TDRD12: variants seen among roughly 807,000 people sequenced by gnomAD.
TDRD12 encodes the protein tudor domain containing 12.
Under a neutral mutation model 133.5 loss-of-function variants are expected in TDRD12, and 158 were observed. That is an observed-to-expected ratio of 1.18 (90% CI 1.04 to 1.35). The LOEUF is 1.35. Among genes scored for constraint, TDRD12 ranks in the 40% most tolerant of loss-of-function variants. TDRD12 has a pLI of 0.00. For synonymous variants in TDRD12, 460 were observed against 477.9 expected (o/e 0.96, Z 0.49); for missense variants, 1,443 against 1,321.3 (o/e 1.09, Z -1.43).
intron 8 of TDRD12, among the ~76,000 whole-genome samples, chr19:32,760,671 T>C (rs1970124779): frequency 6.6e-6 from 1 of 152,216 alleles, no homozygotes; most frequent in Admixed American, 6.5e-5. Context: ...GACATTGTCT[T>C]GATTTCTAGG....
intron 9 of TDRD12, 62 bp downstream of exon 32, chr19:32,826,811 A>C: frequency 1.9e-6 from 2 of 1,038,612 alleles, no homozygotes; most frequent in Non-Finnish European, 2.5e-6. Flanking sequence ...GAGGGACACC[A>C]TCACCCACTT....
chr19:32,728,816 T>C (rs1344039856), intron 1 of TDRD12, among the ~76,000 whole-genome samples: 1 of 149,860 alleles, frequency 6.7e-6, no homozygotes, highest in African/African-American at 2.5e-5. Flanking sequence ...TGGCTATTTT[T>C]TTTTTTTTTT....
intron 2 of TDRD12, among the ~76,000 whole-genome samples, chr19:32,737,567 T>C (rs1568449279): frequency 6.6e-6 from 1 of 152,036 alleles, no homozygotes; most frequent in Non-Finnish European, 1.5e-5. Flanking sequence ...TCTCACTGTG[T>C]CACCCAGGCT....
intron 8 of TDRD12, among the ~76,000 whole-genome samples, chr19:32,769,599 G>A (rs537474981): frequency 5.3e-4 from 80 of 152,016 alleles, no homozygotes; most frequent in African/African-American, 1.8e-3. Flanking sequence ...TATTATGAGT[G>A]CCACTTATGA....
chr19:32,724,034 AT>A (rs1568441838), intron 1 of TDRD12, among the ~76,000 whole-genome samples: 1 of 151,458 alleles, frequency 6.6e-6, no homozygotes, highest in East Asian at 1.9e-4. Flanking sequence ...ATTAAAAAAA[AT>A]TTTTTTAGAG....
chr19:32,767,939 C>G (rs1195978363), intron 8 of TDRD12, among the ~76,000 whole-genome samples: 1 of 152,126 alleles, frequency 6.6e-6, no homozygotes, highest in Non-Finnish European at 1.5e-5. Flanking sequence ...ATGATTTTTC[C>G]ATTTTTAAAT....
chr19:32,826,436 T>C lies in TDRD12; in HGVS notation c.896-9T>C. The C allele has an allele frequency of 1.6e-6, 2 of 1,248,736 alleles. No homozygotes were observed. The allele number at this position is 1,248,736 out of a possible 1,614,324, so 77.4% of individuals were successfully genotyped here. ...AAAAGGCTGACTTTATTTCTTTTTA[T>C]AAACCCAGTGCTTGGGTGGGAGACA... is the stretch of plus-strand genomic sequence containing the variant. On this transcript the variant is annotated splice_polypyrimidine_tract_variant and intron_variant, in intron 8 of 9. Transcript: ENST00000637289.
intron 14 of TDRD12, 146 bp from the exon 15 acceptor site, chr19:32,797,589 T>C: frequency 2.0e-6 from 1 of 503,604 alleles, no homozygotes. Flanking sequence ...AATGAAATTA[T>C]ATCGTCACTT....
chr19:32,813,831 A>G, intron 25 of TDRD12, 55 bp downstream of exon 25: 1 of 1,035,708 alleles, frequency 9.7e-7, no homozygotes, highest in African/African-American at 1.6e-5. Flanking sequence ...GGCTAAAATT[A>G]TCCAGATTAT....
exon 20 of TDRD12, chr19:32,802,660 C>T (rs770905808): frequency 1.3e-5 from 20 of 1,536,048 alleles, no homozygotes; most frequent in Non-Finnish European, 1.7e-5. Flanking sequence ...CTGCAGCCCT[C>T]ACAGACGACT....
rs1005898971 is a variant in TDRD12 at position 32,803,148 on chromosome 19, C to T, written c.2552+6C>T. On this transcript the variant is annotated splice_donor_region_variant and intron_variant, in intron 21 of 27. Coordinates refer to ENST00000444215, the Ensembl canonical transcript of TDRD12. ...AAGGCTTTTGGTTTTTGCAAGTGAGCCAGTAATTTGTTTCTTATTAAACTG... is the reference window on the plus strand; with the variant it reads ...AAGGCTTTTGGTTTTTGCAAGTGAGTCAGTAATTTGTTTCTTATTAAACTG... The T allele has an allele frequency of 1.1e-5, 17 of 1,505,312 alleles. No homozygotes were observed. The highest frequency in any genetic ancestry group is 9.8e-5 in the East Asian group (4 of 40,760). 93.2% of individuals were successfully genotyped at this position (1,505,312 alleles called of 1,614,324 possible). A position where few individuals can be genotyped will look rare whatever the true frequency, so the allele number is the denominator to read the frequency against.
chr19:32,754,818 T>C (rs1018296087), intron 6 of TDRD12, among the ~76,000 whole-genome samples: 3 of 152,002 alleles, frequency 2.0e-5, no homozygotes, highest in Admixed American at 1.3e-4. Flanking sequence ...GCTGGGATTA[T>C]AGGCATGCGC....
chr19:32,796,299 G>A (rs1971223323), intron 14 of TDRD12: 2 of 611,864 alleles, frequency 3.3e-6, no homozygotes, highest in Admixed American at 6.3e-5. Flanking sequence ...TTAGAAAGTT[G>A]CATCTGTTGG....
At chr19:32,804,735 G>C (rs1029216630) in intron 21 of TDRD12, among the ~76,000 whole-genome samples, 1 of 150,838 alleles carries the variant, frequency 6.6e-6, no homozygotes, top group South Asian at 2.1e-4. Context: ...GCACACACCT[G>C]TAATCAGTTA....
intron 10 of TDRD12, among the ~76,000 whole-genome samples, chr19:32,775,044 G>A (rs887905363): frequency 6.6e-6 from 1 of 151,300 alleles, no homozygotes; most frequent in Non-Finnish European, 1.5e-5. Flanking sequence ...TTATGCTTGG[G>A]GTTCATTAAT....
intron 8 of TDRD12, among the ~76,000 whole-genome samples, chr19:32,760,608 C>T (rs530619106): frequency 6.6e-6 from 1 of 152,266 alleles, no homozygotes; most frequent in African/African-American, 2.4e-5. Context: ...GTATTATCTC[C>T]AGATTTTAAA....
At chr19:32,798,963 C>A (rs1165222479) in intron 16 of TDRD12, among the ~76,000 whole-genome samples, 1 of 152,212 alleles carries the variant, frequency 6.6e-6, no homozygotes, top group African/African-American at 2.4e-5. Context: ...ATATAGTATT[C>A]AGTTCTTTGG....
rs924771499 is a variant in TDRD12 at position 32,757,033 on chromosome 19, A to C, written c.773-5A>C. On this transcript the variant is annotated splice_region_variant and splice_polypyrimidine_tract_variant and intron_variant, in intron 7 of 27. Coordinates refer to ENST00000444215, the Ensembl canonical transcript of TDRD12. The stretch of plus-strand genomic sequence containing the variant: ...TTTAATTCTGAAATTTATTCTTTCT[A>C]TCAGATTCACATGGTGTAAATTTTC... 9.0e-6 allele frequency: 14 copies of C among 1,549,742 alleles called. No individual in the cohort carries two copies. The highest frequency in any genetic ancestry group is 1.2e-5 in the Non-Finnish European group (14 of 1,145,364).
At chr19:32,796,585 C>CAAA (rs753485762) in intron 14 of TDRD12, among the ~76,000 whole-genome samples, 1 of 131,736 alleles carries the variant, frequency 7.6e-6, no homozygotes, top group Non-Finnish European at 1.6e-5. Context: ...AACTCCATCT[C>CAAA]AAAAAAAAAA....
Sources: allele counts gnomAD v4.1 joint callset (sites outside exome capture counted in the v4.1 genomes callset), GRCh38; gene constraint gnomAD v4.1.1; transcripts MANE v1.5; gene names NCBI Gene and HGNC (gene_info 2026-07-23, HGNC 2026-07-21).